The following KIF20B variants were observed in gnomAD, a reference collection of about 807,000 sequenced individuals.
KIF20B encodes kinesin family member 20B, also known as kinesin-like protein KIF20B.
In KIF20B, 188 loss-of-function variants were observed where a neutral mutation model predicts 232.5. That is an observed-to-expected ratio of 0.81 (90% CI 0.72 to 0.91). The LOEUF (loss-of-function observed/expected upper bound fraction) is 0.91. Ranked by LOEUF, KIF20B falls within the 40% of genes least tolerant of loss-of-function variation. The probability of loss-of-function intolerance (pLI) is 0.00; values close to 1 mark genes in which losing one functional copy is unlikely to be tolerated. For synonymous variants in KIF20B, 712 were observed against 683.0 expected (o/e 1.04, Z -0.66); for missense variants, 2,154 against 2,055.9 (o/e 1.05, Z -0.92).
Position 89,738,084 on chromosome 10 carries a change from G to T in KIF20B, c.3243G>T (p.Leu1081=). Residue 1081 remains leucine, a synonymous_variant, in exon 20 of 33, where the codon CTG becomes CTT. Coordinates refer to ENST00000371728, the MANE Select transcript of KIF20B (RefSeq NM_001284259.2). ...AAAAAAGTCATCAGATTGAGGAACT[G>T]GAACAACAAATTGAAAAATTGCAGG... ...SSKKSHQIEE[L]EQQIEKLQAE... 1 of 1,612,712 alleles carries T rather than the reference G, an allele frequency of 6.2e-7. No homozygotes were observed.
At chr10:89,746,936 A>C (rs1242768825) in intron 23 of KIF20B, among the ~76,000 whole-genome samples, 1 of 152,212 alleles carries the variant, frequency 6.6e-6, no homozygotes, top group Non-Finnish European at 1.5e-5. Flanking sequence ...AGCAACATTG[A>C]TTTCTTGTAA....
chr10:89,727,779 A>T (rs547399356), intron 16 of KIF20B, 77 bp from the exon 17 acceptor site: 1 of 1,261,576 alleles, frequency 7.9e-7, no homozygotes, highest in Non-Finnish European at 1.1e-6. Flanking sequence ...CTAGAGCAGC[A>T]TATGTTTCAT....
intron 15 of KIF20B, 104 bp downstream of exon 15, chr10:89,725,262 C>T (rs1241484912): frequency 1.2e-5 from 12 of 1,035,804 alleles, no homozygotes; most frequent in Non-Finnish European, 1.6e-5. Flanking sequence ...AGAATTAAAA[C>T]AATGCTTTGT....
intron 23 of KIF20B, 115 bp from the exon 24 acceptor site, chr10:89,751,231 T>A: frequency 1.2e-6 from 1 of 816,808 alleles, no homozygotes; most frequent in Non-Finnish European, 1.9e-6. Flanking sequence ...TCTGTCTATA[T>A]GGAACTAATA....
rs1360904940 is a variant in KIF20B, at chr10:89,710,951, C to G, written c.491-10C>G. ...ACTGAGAGAGTATAACACAAAAATT[C>G]CTTTTGCAGGGACAGAAGAAAATAT... On this transcript the variant is annotated splice_polypyrimidine_tract_variant and intron_variant, in intron 5 of 32. Coordinates refer to ENST00000371728, the MANE Select transcript of KIF20B (RefSeq NM_001284259.2). The G allele has an allele frequency of 1.2e-5, 19 of 1,595,738 alleles. No individual in the cohort carries two copies. Among genetic ancestry groups the G allele is most frequent in the Non-Finnish European group, 1.6e-5 (19 of 1,174,678 alleles).
At chr10:89,743,501 A>G (rs1424447472) in intron 21 of KIF20B, among the ~76,000 whole-genome samples, 1 of 152,176 alleles carries the variant, frequency 6.6e-6, no homozygotes, top group Non-Finnish European at 1.5e-5. Flanking sequence ...TTCCTTGGTA[A>G]TTATTTCCCT....
chr10:89,722,639 A>G (rs1843088982), intron 13 of KIF20B, among the ~76,000 whole-genome samples: 1 of 152,216 alleles, frequency 6.6e-6, no homozygotes, highest in South Asian at 2.1e-4. Flanking sequence ...ACTGCACTCC[A>G]GCCTGGGCGA....
At chr10:89,705,525 C>T in intron 2 of KIF20B, 84 bp downstream of exon 2, 2 of 1,228,592 alleles carry the variant, frequency 1.6e-6, no homozygotes, top group Middle Eastern at 1.9e-4. Context: ...TTTTGTATTA[C>T]CTGTTTTTGT....
chr10:89,746,310 T>A (rs1841909289), intron 23 of KIF20B, among the ~76,000 whole-genome samples: 1 of 152,164 alleles, frequency 6.6e-6, no homozygotes, highest in Non-Finnish European at 1.5e-5. Flanking sequence ...AAAAATCGGA[T>A]CACACATGGG....
At chr10:89,756,184 TA>T (rs1842115456) in intron 26 of KIF20B, among the ~76,000 whole-genome samples, 1 of 152,178 alleles carries the variant, frequency 6.6e-6, no homozygotes, top group East Asian at 1.9e-4. Flanking sequence ...TTTGCTCCCA[TA>T]AAAAAGTTTA....
At chr10:89,714,181 A>T in intron 7 of KIF20B, 98 bp downstream of exon 7, 1 of 679,220 alleles carries the variant, frequency 1.5e-6, no homozygotes, top group Non-Finnish European at 2.2e-6. Context: ...TTTTATTTTT[A>T]TTATTAAAAA....
At chr10:89,768,224 T>C in intron 29 of KIF20B, 66 bp from the exon 30 acceptor site, 1 of 1,070,810 alleles carries the variant, frequency 9.3e-7, no homozygotes, top group Non-Finnish European at 1.4e-6. Flanking sequence ...CAAATTTTCT[T>C]TTTTGAGTCT....
At chr10:89,752,356 T>G (rs1167119383) in intron 24 of KIF20B, among the ~76,000 whole-genome samples, 1 of 152,078 alleles carries the variant, frequency 6.6e-6, no homozygotes, top group East Asian at 1.9e-4. Context: ...TACTATTCAT[T>G]GGATTCCTGA....
intron 2 of KIF20B, among the ~76,000 whole-genome samples, chr10:89,706,670 T>C (rs1247698095): frequency 6.6e-6 from 1 of 151,968 alleles, no homozygotes; most frequent in Middle Eastern, 3.2e-3. Flanking sequence ...TATTTCAGCA[T>C]TATCTATTGA....
rs1841718071 is a variant in KIF20B at position 89,738,492 on chromosome 10, T to C, written c.3651T>C (p.Asp1217=). The C allele has an allele frequency of 6.2e-7, 1 of 1,606,340 alleles. No homozygotes were observed. ...AGGATTCTGTCAAAAACACCAAAGA[T>C]TTAAATGTAAAGGAACTCAAGCTGA... ...HLQDSVKNTK[D]LNVKELKLKE... Residue 1217 remains aspartate, a synonymous_variant, in exon 20 of 33, where the codon GAT becomes GAC. Coordinates refer to ENST00000371728, the MANE Select transcript of KIF20B (RefSeq NM_001284259.2).
chr10:89,719,337 A>G (rs1189605412), intron 12 of KIF20B, 82 bp from the exon 13 acceptor site: 2 of 1,023,242 alleles, frequency 2.0e-6, no homozygotes, highest in Non-Finnish European at 2.8e-6. Context: ...TGTTCATTTG[A>G]CTTAAATTTA....
Position 89,744,432 on chromosome 10 carries a change from G to A in KIF20B, c.4035+505G>A, listed in dbSNP as rs539698010. Among the ~76,000 whole-genome samples, 140 of 152,318 alleles carry A rather than the reference G, an allele frequency of 9.2e-4. 1 individual carries two copies. The highest frequency in any genetic ancestry group is 1.7e-3 in the Non-Finnish European group (115 of 68,016). On this transcript the variant is annotated intron_variant, in intron 22 of 32. Coordinates refer to ENST00000371728, the MANE Select transcript of KIF20B (RefSeq NM_001284259.2). ...CAAGTAAAGACTGGTGAATGATGGT[G>A]AAGTCTGGAGTGTAATTAATAGTAG...
chr10:89,745,340 C>T (rs1275402986), intron 22 of KIF20B, among the ~76,000 whole-genome samples: 5 of 152,044 alleles, frequency 3.3e-5, no homozygotes, highest in Non-Finnish European at 7.4e-5. Flanking sequence ...CTGACCAACA[C>T]GGTGAAACCC....
rs139423559 is a variant in KIF20B, at chr10:89,726,342, A to G, written c.2051A>G (p.Asp684Gly). 6.4e-7 allele frequency: 1 copy of G among 1,552,654 alleles called. No individual in the cohort carries two copies. The highest frequency in any genetic ancestry group is 1.7e-4 in the Middle Eastern group (1 of 5,954). Reference protein sequence around the residue: ...GFEDIIDSLQDNVADIKKQAE... With the variant: ...GFEDIIDSLQGNVADIKKQAE... ...GAAGATATTATTGATTCTCTTCAAGATAATGTTGCTGATATTAAGAAACAG... is the reference window on the plus strand; with the variant it reads ...GAAGATATTATTGATTCTCTTCAAGGTAATGTTGCTGATATTAAGAAACAG... The change falls in exon 16 of 33, where the codon GAT (aspartate) becomes GGT (glycine). Residue 684 changes from aspartate (D) to glycine (G), a missense_variant. Physicochemically the swap from Asp to Gly is moderately conservative, Grantham distance 94. Transcript: ENST00000371728.
Sources: allele counts gnomAD v4.1 joint callset (sites outside exome capture counted in the v4.1 genomes callset), GRCh38; gene constraint gnomAD v4.1.1; transcripts MANE v1.5; gene names NCBI Gene and HGNC (gene_info 2026-07-23, HGNC 2026-07-21).